The following THSD7A variants were observed in gnomAD, a reference collection of about 807,000 sequenced individuals.
THSD7A encodes thrombospondin type-1 domain-containing protein 7A.
THSD7A carries 96 observed loss-of-function variants against 231.3 expected under a neutral mutation model. That is an observed-to-expected ratio of 0.41 (90% CI 0.35 to 0.49). The LOEUF (loss-of-function observed/expected upper bound fraction) is 0.49, where lower values mean the gene tolerates loss of function less well. THSD7A is among the 20% of genes least tolerant of loss of function. The pLI, the probability that THSD7A is intolerant of heterozygous loss-of-function variation, is 0.05. For missense variants in THSD7A, 2,290 were observed against 2,070.2 expected (o/e 1.11, Z -2.06); for synonymous variants, 940 against 743.3 (o/e 1.26, Z -4.30).
intron 1 of THSD7A, among the ~76,000 whole-genome samples, chr7:11,819,710 C>A (rs1380241713): frequency 6.6e-6 from 1 of 152,080 alleles, no homozygotes. Context: ...GGGTAGTAAA[C>A]CTATTCTATA....
At chr7:11,422,723 G>A (rs556282129) in intron 16 of THSD7A, among the ~76,000 whole-genome samples, 1 of 152,226 alleles carries the variant, frequency 6.6e-6, no homozygotes, top group South Asian at 2.1e-4. Context: ...CACCGTCTCG[G>A]CTCACTGCAA....
intron 4 of THSD7A, among the ~76,000 whole-genome samples, chr7:11,549,649 C>T (rs1189942737): frequency 3.3e-5 from 5 of 152,062 alleles, no homozygotes; most frequent in Non-Finnish European, 5.9e-5. Context: ...GAGCTGGAAG[C>T]CATTATTCTC....
chr7:11,769,123 A>T (rs1435169635), intron 1 of THSD7A, among the ~76,000 whole-genome samples: 1 of 19,962 alleles, frequency 5.0e-5, no homozygotes, highest in Non-Finnish European at 1.2e-4. Flanking sequence ...ATTCCTGGCA[A>T]TATATATATA....
chr7:11,660,924 G>A (rs912055645), intron 1 of THSD7A, among the ~76,000 whole-genome samples: 1 of 151,382 alleles, frequency 6.6e-6, no homozygotes, highest in African/African-American at 2.4e-5. Flanking sequence ...ATGCAGCAAG[G>A]ACTCGAAGAG....
chr7:11,568,642 AAAAAAAAAAAAACC>A (rs1431640366), intron 4 of THSD7A, among the ~76,000 whole-genome samples: 1 of 145,992 alleles, frequency 6.8e-6, no homozygotes. Context: ...AAAAAAAAAA[AAAAAAAAAAAAACC>A]AAAATCTGGA....
At chr7:11,531,057 A>G (rs552107364) in intron 6 of THSD7A, among the ~76,000 whole-genome samples, 1 of 152,274 alleles carries the variant, frequency 6.6e-6, no homozygotes, top group East Asian at 1.9e-4. Context: ...TGTGATCAAG[A>G]GAGGATTTAT....
chr7:11,672,244 G>A (rs1254880794), intron 1 of THSD7A, among the ~76,000 whole-genome samples: 1 of 151,924 alleles, frequency 6.6e-6, no homozygotes, highest in Admixed American at 6.6e-5. Flanking sequence ...AAGATTTTTT[G>A]TTGTTGTTGC....
At chr7:11,811,802 T>G (rs988625482) in intron 1 of THSD7A, among the ~76,000 whole-genome samples, 2 of 152,162 alleles carry the variant, frequency 1.3e-5, no homozygotes, top group Non-Finnish European at 2.9e-5. Flanking sequence ...AGGTTTTCAC[T>G]TGGATTCTTT....
At chr7:11,703,440 A>C (rs996997994) in intron 1 of THSD7A, among the ~76,000 whole-genome samples, 1 of 151,234 alleles carries the variant, frequency 6.6e-6, no homozygotes, top group Admixed American at 6.6e-5. Context: ...AACTTGAGTC[A>C]GTATAGATCC....
At chr7:11,801,908 A>G (rs1784287675) in intron 1 of THSD7A, among the ~76,000 whole-genome samples, 1 of 152,218 alleles carries the variant, frequency 6.6e-6, no homozygotes, top group Non-Finnish European at 1.5e-5. Flanking sequence ...ATCAGGAATA[A>G]CATTAAATCA....
At chr7:11,808,750 TA>T (rs1339202830) in intron 1 of THSD7A, among the ~76,000 whole-genome samples, 3 of 152,074 alleles carry the variant, frequency 2.0e-5, no homozygotes, top group Admixed American at 6.6e-5. Flanking sequence ...TCAAGAATCT[TA>T]AAAATATTCA....
intron 4 of THSD7A, among the ~76,000 whole-genome samples, chr7:11,548,942 A>C (rs1177590262): frequency 6.6e-6 from 1 of 152,124 alleles, no homozygotes; most frequent in East Asian, 1.9e-4. Flanking sequence ...GGAACAAGAC[A>C]AGAATACCCA....
chr7:11,600,346 A>G (rs1337723167), intron 2 of THSD7A, among the ~76,000 whole-genome samples: 2 of 152,316 alleles, frequency 1.3e-5, no homozygotes, highest in Middle Eastern at 3.4e-3. Context: ...ATTAAATATA[A>G]CATAAGTATT....
rs150053928 is a variant in THSD7A, at chr7:11,546,199, C to CGTGTGTGT, written c.1454-3083_1454-3082insACACACAC. On this transcript the variant is annotated intron_variant, in intron 4 of 27. Transcript: ENST00000423059. The stretch of plus-strand genomic sequence containing the variant: ...TGCTCTGTTGTTGCTGGTGTGGGCG[C>CGTGTGTGT]GCGCTCACACACACACACACACACA... 2.1e-3 allele frequency among the ~76,000 whole-genome samples: 214 copies of CGTGTGTGT among 101,858 alleles called. 1 individual carries two copies. Among genetic ancestry groups the CGTGTGTGT allele is most frequent in the Middle Eastern group, 0.018 (3 of 170 alleles). 66.8% of individuals were successfully genotyped at this position (101,858 alleles called of 152,430 possible).
intron 1 of THSD7A, among the ~76,000 whole-genome samples, chr7:11,762,235 G>C (rs993887462): frequency 6.6e-6 from 1 of 152,002 alleles, no homozygotes; most frequent in Non-Finnish European, 1.5e-5. Context: ...TGATAAAATG[G>C]TTTCTTTGGG....
At chr7:11,561,196 T>C (rs1583976708) in intron 4 of THSD7A, among the ~76,000 whole-genome samples, 1 of 152,170 alleles carries the variant, frequency 6.6e-6, no homozygotes, top group Non-Finnish European at 1.5e-5. Flanking sequence ...CAATAATATA[T>C]GTCTAGCTAA....
intron 6 of THSD7A, among the ~76,000 whole-genome samples, chr7:11,488,442 T>A: frequency 6.6e-6 from 1 of 152,084 alleles, no homozygotes; most frequent in East Asian, 1.9e-4. Context: ...CACCCTCAGC[T>A]TACTGAAGAA....
intron 23 of THSD7A, among the ~76,000 whole-genome samples, chr7:11,391,373 C>CGAAAAAA (rs1361518005): frequency 1.3e-5 from 2 of 152,200 alleles, no homozygotes; most frequent in Admixed American, 1.3e-4. Context: ...CCAGTTTGAA[C>CGAAAAAA]TTCCTGGTGA....
chr7:11,426,265 A>T (rs990340158), intron 15 of THSD7A, among the ~76,000 whole-genome samples: 8 of 152,064 alleles, frequency 5.3e-5, no homozygotes, highest in Non-Finnish European at 1.0e-4. Context: ...TTTATTTTAA[A>T]CTCCTGTACT....
Sources: allele counts gnomAD v4.1 joint callset (sites outside exome capture counted in the v4.1 genomes callset), GRCh38; gene constraint gnomAD v4.1.1; transcripts MANE v1.5; gene names NCBI Gene and HGNC (gene_info 2026-07-23, HGNC 2026-07-21).